The following PPP1R9A variants were observed in gnomAD, a reference collection of about 807,000 sequenced individuals.
PPP1R9A encodes neurabin-1.
PPP1R9A carries 59 observed loss-of-function variants against 141.9 expected under a neutral mutation model. That is an observed-to-expected ratio of 0.42 (90% CI 0.34 to 0.52). The LOEUF (loss-of-function observed/expected upper bound fraction) is 0.52. Ranked by LOEUF, PPP1R9A falls within the 20% of genes least tolerant of loss-of-function variation. PPP1R9A has a pLI of 0.10. For synonymous variants in PPP1R9A, 500 were observed against 569.7 expected, an observed-to-expected ratio of 0.88 and a Z score of 1.74; for missense variants, 1,444 against 1,611.9, an observed-to-expected ratio of 0.90 and a Z score of 1.78.
chr7:95,056,669 G>A (rs1811539992), intron 2 of PPP1R9A, among the ~76,000 whole-genome samples: 1 of 152,078 alleles, frequency 6.6e-6, no homozygotes, highest in African/African-American at 2.4e-5. Context: ...CTTTGTGATA[G>A]TCAAGTTTGC....
At chr7:94,961,793 C>G (rs1422538159) in intron 2 of PPP1R9A, among the ~76,000 whole-genome samples, 4 of 151,898 alleles carry the variant, frequency 2.6e-5, no homozygotes, top group South Asian at 2.1e-4. Context: ...GAATTAAGCA[C>G]AAATCGTAGA....
intron 3 of PPP1R9A, among the ~76,000 whole-genome samples, chr7:95,115,195 T>C (rs1429998667): frequency 6.6e-6 from 1 of 152,114 alleles, no homozygotes; most frequent in Admixed American, 6.5e-5. Flanking sequence ...GAAAGTAAAC[T>C]TATGCAAATT....
chr7:95,200,026 C>T (rs1412332234), intron 6 of PPP1R9A, among the ~76,000 whole-genome samples: 1 of 151,772 alleles, frequency 6.6e-6, no homozygotes, highest in Non-Finnish European at 1.5e-5. Context: ...GTCTGTGTGC[C>T]TTGGTGTCTT....
intron 2 of PPP1R9A, among the ~76,000 whole-genome samples, chr7:94,924,752 A>C (rs1372502152): frequency 1.3e-5 from 2 of 151,262 alleles, no homozygotes; most frequent in African/African-American, 4.9e-5. Flanking sequence ...CTGGTCTCAA[A>C]CTCCTGACCT....
At chr7:95,119,519 A>T (rs548375725) in intron 3 of PPP1R9A, among the ~76,000 whole-genome samples, 1 of 152,252 alleles carries the variant, frequency 6.6e-6, no homozygotes, top group South Asian at 2.1e-4. Context: ...CTGTGGCATG[A>T]TCTCAGCTCA....
intron 16 of PPP1R9A, among the ~76,000 whole-genome samples, chr7:95,279,146 G>T (rs1341754472): frequency 6.6e-6 from 1 of 152,122 alleles, no homozygotes; most frequent in African/African-American, 2.4e-5. Flanking sequence ...AGAATGAATG[G>T]GCTATATGGA....
At chr7:95,233,216 G>T (rs946590925) in intron 8 of PPP1R9A, among the ~76,000 whole-genome samples, 1 of 152,182 alleles carries the variant, frequency 6.6e-6, no homozygotes, top group Non-Finnish European at 1.5e-5. Context: ...AATGTCCTTT[G>T]CAGGGACATG....
intron 2 of PPP1R9A, among the ~76,000 whole-genome samples, chr7:94,927,920 A>G (rs533024544): frequency 3.9e-5 from 6 of 152,314 alleles, no homozygotes; most frequent in Admixed American, 3.9e-4. Flanking sequence ...TATTGTCAAA[A>G]TTGGGACACT....
At chr7:95,067,358 A>T (rs913519681) in intron 2 of PPP1R9A, among the ~76,000 whole-genome samples, 2 of 152,146 alleles carry the variant, frequency 1.3e-5, no homozygotes, top group African/African-American at 4.8e-5. Context: ...CAGTCAGAAG[A>T]CTCCAGGACA....
At chr7:95,186,226 G>A (rs1240448268) in intron 5 of PPP1R9A, among the ~76,000 whole-genome samples, 3 of 151,778 alleles carry the variant, frequency 2.0e-5, no homozygotes, top group Non-Finnish European at 4.4e-5. Context: ...AGTTTTCCTT[G>A]TAGAGATCTT....
Position 95,094,879 on chromosome 7 carries a change from C to CAAAAA in PPP1R9A, c.1396-16358_1396-16354dup, listed in dbSNP as rs1166550834. 5.1e-3 allele frequency among the ~76,000 whole-genome samples: 228 copies of CAAAAA among 44,972 alleles called. 10 individuals carry two copies. The highest frequency in any genetic ancestry group is 0.015 in the African/African-American group (215 of 13,922). The allele number at this position is 44,972 out of a possible 152,430, so 29.5% of individuals were successfully genotyped here. A position where few individuals can be genotyped will look rare whatever the true frequency, so the allele number is the denominator to read the frequency against. On this transcript the variant is annotated intron_variant, in intron 2 of 19. Coordinates refer to ENST00000433360, the MANE Select transcript of PPP1R9A (RefSeq NM_001166160.2). ...TGGGCGACAGAGGGAGACTGCGTCT[C>CAAAAA]AAAAAAAAAAAAAAAAAAAAAAAAA...
intron 2 of PPP1R9A, among the ~76,000 whole-genome samples, chr7:95,079,994 A>C (rs1815541442): frequency 2.6e-5 from 4 of 152,216 alleles, no homozygotes; most frequent in African/African-American, 9.6e-5. Context: ...CTGAATGGGC[A>C]AAAACTGGAA....
intron 8 of PPP1R9A, among the ~76,000 whole-genome samples, chr7:95,234,582 T>A (rs1246430428): frequency 1.3e-5 from 2 of 152,124 alleles, no homozygotes; most frequent in Non-Finnish European, 2.9e-5. Flanking sequence ...AGAATCAATA[T>A]TGTGAAAATG....
chr7:95,019,953 A>G (rs1012057976), intron 2 of PPP1R9A, among the ~76,000 whole-genome samples: 3 of 152,180 alleles, frequency 2.0e-5, no homozygotes, highest in Non-Finnish European at 4.4e-5. Flanking sequence ...AAACAACCCA[A>G]TATCCATCAA....
At position 95,087,712 on chromosome 7, in the gene PPP1R9A, TG is replaced by T. The variant is rs1816814077; in HGVS notation, c.1396-23545del. 2.6e-5 allele frequency among the ~76,000 whole-genome samples: 4 copies of T among 152,058 alleles called. No individual in the cohort carries two copies. The South Asian group carries it at 8.3e-4, about 32-fold the overall frequency. On this transcript the variant is annotated intron_variant, in intron 2 of 19. Coordinates refer to ENST00000433360, the MANE Select transcript of PPP1R9A (RefSeq NM_001166160.2). ...GAGTTCAAGACCAGCCTAGCCAAGATGGTGAAACCTTGTCTCTACTAAAACT... is the reference window on the plus strand; with the variant it reads ...GAGTTCAAGACCAGCCTAGCCAAGATGTGAAACCTTGTCTCTACTAAAACT...
chr7:94,991,357 A>G (rs888526609), intron 2 of PPP1R9A, among the ~76,000 whole-genome samples: 2 of 152,128 alleles, frequency 1.3e-5, no homozygotes, highest in Admixed American at 6.6e-5. Context: ...CCATTTGCCC[A>G]TTTTTAAATT....
chr7:95,193,028 A>G (rs1835738423), intron 5 of PPP1R9A, among the ~76,000 whole-genome samples: 1 of 152,208 alleles, frequency 6.6e-6, no homozygotes, highest in South Asian at 2.1e-4. Flanking sequence ...TCATGTATGT[A>G]CCACATCTTA....
chr7:95,052,448 C>T (rs765892884), intron 2 of PPP1R9A, among the ~76,000 whole-genome samples: 65 of 152,084 alleles, frequency 4.3e-4, no homozygotes, highest in African/African-American at 1.7e-4. Context: ...AGTTAAGAAT[C>T]GTACCCAGGT....
At chr7:94,930,634 C>G (rs1029837461) in intron 2 of PPP1R9A, among the ~76,000 whole-genome samples, 1 of 152,120 alleles carries the variant, frequency 6.6e-6, no homozygotes, top group Non-Finnish European at 1.5e-5. Context: ...ACCACCATGC[C>G]CAGCCCTATC....
Sources: gnomAD v4.1 joint callset for allele counts (sites outside exome capture counted in the v4.1 genomes callset) on GRCh38, gnomAD v4.1.1 for gene constraint, MANE v1.5 for transcripts, NCBI Gene and HGNC (gene_info 2026-07-23, HGNC 2026-07-21) for gene names.